Variants in CACNG4 observed in about 807,000 individuals in gnomAD.
CACNG4 encodes calcium voltage-gated channel auxiliary subunit gamma 4.
CACNG4 carries 8 observed loss-of-function variants against 22.9 expected under a neutral mutation model. That is an observed-to-expected ratio of 0.35 (90% CI 0.21 to 0.63). The LOEUF is 0.63. Among genes scored for constraint, CACNG4 ranks in the 30% least tolerant of loss-of-function variants. The pLI, the probability that CACNG4 is intolerant of heterozygous loss-of-function variation, is 0.72. For missense variants in CACNG4, 357 were observed against 455.4 expected (o/e 0.78, Z 1.97); for synonymous variants, 188 against 191.9 (o/e 0.98, Z 0.17).
rs1164270280 is a variant in CACNG4 at position 67,030,751 on chromosome 17, G to A, written c.731G>A (p.Arg244Lys). Residue 244 changes from arginine (R) to lysine (K), a missense_variant, in exon 4 of 4, where the codon AGG (arginine) becomes AAG (lysine). By Grantham distance (26) the Arg-to-Lys change is conservative (BLOSUM62 2). Transcript: ENST00000262138. This position sits in a 1 kb window ranked among gnomAD's most constrained non-coding sequence, Gnocchi z 6.4. The part of the protein sequence containing the change: ...PSYRYRRRRS[R>K]SSSRSTEASP... ...TACAGGTACCGGCGACGGCGCTCGA[G>A]GTCCAGCTCAAGGTCCACCGAGGCC... 1.2e-6 allele frequency: 2 copies of A among 1,614,060 alleles called. No individual in the cohort carries two copies. Among genetic ancestry groups the A allele is most frequent in the South Asian group, 2.2e-5 (2 of 91,086 alleles).
intron 1 of CACNG4, among the ~76,000 whole-genome samples, chr17:66,993,272 T>C (rs1176363581): frequency 6.6e-6 from 1 of 152,204 alleles, no homozygotes; most frequent in Non-Finnish European, 1.5e-5. Context: ...AGCGGTCCTG[T>C]GAATTAAGGC....
chr17:67,012,076 G>A (rs973626103), intron 1 of CACNG4, among the ~76,000 whole-genome samples: 1 of 152,168 alleles, frequency 6.6e-6, no homozygotes, highest in Non-Finnish European at 1.5e-5. Flanking sequence ...CCCCAGCCCT[G>A]CTTCTATAGA....
In CACNG4 at chr17:67,018,212, CG is replaced by C; in HGVS notation, c.246del (p.Ile83SerfsTer121). 6.2e-7 allele frequency: 1 copy of C among 1,614,012 alleles called. No individual in the cohort carries two copies. Among genetic ancestry groups the C allele is most frequent in the Non-Finnish European group, 8.5e-7 (1 of 1,179,870 alleles). On this transcript the variant is annotated frameshift_variant, in exon 2 of 4. Coordinates refer to ENST00000262138, the MANE Select transcript of CACNG4 (RefSeq NM_014405.4). LOFTEE classifies it high-confidence loss of function. The stretch of plus-strand genomic sequence containing the variant: ...AGGGATCTATAAAGGGCACTGCTTC[CG>C]GATCAATCACTTCCCAGAGGACAAT... ...IEGIYKGHCF[R>X]INHFPEDNDY...
intron 1 of CACNG4, among the ~76,000 whole-genome samples, chr17:67,001,947 C>T (rs1399653428): frequency 2.0e-5 from 3 of 152,160 alleles, no homozygotes; most frequent in African/African-American, 7.2e-5. Flanking sequence ...TTGCCTAAGC[C>T]CATGATCTGG....
chr17:66,972,734 T>C (rs9890399), intron 1 of CACNG4, among the ~76,000 whole-genome samples: 5,514 of 151,948 alleles, frequency 0.036, 243 homozygotes, highest in African/African-American at 0.11. Flanking sequence ...AAGACCAGCC[T>C]GGCCAACATG....
At chr17:67,024,144 A>C (rs891633794) in intron 2 of CACNG4, among the ~76,000 whole-genome samples, 8 of 152,112 alleles carry the variant, frequency 5.3e-5, no homozygotes, top group Admixed American at 1.3e-4. Context: ...CGGCCCAGCC[A>C]CACCTCCCCT....
At chr17:66,974,345 G>GA (rs2035222955) in intron 1 of CACNG4, among the ~76,000 whole-genome samples, 1 of 152,160 alleles carries the variant, frequency 6.6e-6, no homozygotes, top group Admixed American at 6.5e-5. Context: ...CAGAGGCCTA[G>GA]AAAAAACGAT....
chr17:66,966,901 C>G (rs1440793408), intron 1 of CACNG4, among the ~76,000 whole-genome samples: 1 of 152,200 alleles, frequency 6.6e-6, no homozygotes, highest in Non-Finnish European at 1.5e-5. Context: ...GAGAATGTAC[C>G]CACGTCACTA....
At chr17:67,000,279 C>T (rs1369586917) in intron 1 of CACNG4, among the ~76,000 whole-genome samples, 1 of 152,162 alleles carries the variant, frequency 6.6e-6, no homozygotes, top group Non-Finnish European at 1.5e-5. Flanking sequence ...ACTGTTGTTC[C>T]ACTCTGTTCC....
At position 67,032,375 on chromosome 17, in the gene CACNG4, A is replaced by G. The variant is rs1334310837; in HGVS notation, c.*1371A>G. 1.9e-5 allele frequency: 4 copies of G among 206,032 alleles called. No individual in the cohort carries two copies. Among genetic ancestry groups the G allele is most frequent in the Admixed American group, 5.3e-5 (1 of 18,952 alleles). 12.8% of individuals were successfully genotyped at this position (206,032 alleles called of 1,614,324 possible). ...TGGAACTTAACCCTCTTTTGTATAA[A>G]ACATGTGCTTTCTAAAGAAAAATTG... is the stretch of plus-strand genomic sequence containing the variant. On this transcript the variant is annotated 3_prime_UTR_variant, in exon 4 of 4. Coordinates refer to ENST00000262138, the MANE Select transcript of CACNG4 (RefSeq NM_014405.4).
At chr17:66,966,821 C>T (rs2035173840) in intron 1 of CACNG4, among the ~76,000 whole-genome samples, 3 of 152,218 alleles carry the variant, frequency 2.0e-5, no homozygotes, top group Non-Finnish European at 2.9e-5. Context: ...ACACCCTCCT[C>T]TTTTCTTTTG....
In CACNG4 at chr17:66,983,645, G is replaced by A. The variant is rs371522358; in HGVS notation, c.220+18514G>A. The stretch of plus-strand genomic sequence containing the variant: ...AGGATTCTGCTGTCAGACTGAGGGC[G>A]GCTCTTCAGATGGGGCACTCTCCGC... On this transcript the variant is annotated intron_variant, in intron 1 of 3. Transcript: ENST00000262138. 1.1e-4 allele frequency among the ~76,000 whole-genome samples: 16 copies of A among 152,174 alleles called. No homozygotes were observed. The East Asian group carries it at 1.2e-3, about 11-fold the overall frequency.
intron 1 of CACNG4, among the ~76,000 whole-genome samples, chr17:66,978,051 A>C (rs568354433): frequency 6.6e-6 from 1 of 152,258 alleles, no homozygotes; most frequent in African/African-American, 2.4e-5. Flanking sequence ...CATCTGTCTC[A>C]CCATAGACCT....
At chr17:66,980,627 T>C (rs1190647370) in intron 1 of CACNG4, among the ~76,000 whole-genome samples, 2 of 147,248 alleles carry the variant, frequency 1.4e-5, no homozygotes, top group Non-Finnish European at 3.0e-5. Context: ...ATTCTTTTTT[T>C]TTTTTTTTTT....
At chr17:66,993,446 T>A (rs1174187994) in intron 1 of CACNG4, among the ~76,000 whole-genome samples, 1 of 152,064 alleles carries the variant, frequency 6.6e-6, no homozygotes, top group Non-Finnish European at 1.5e-5. Flanking sequence ...AGTTCATACA[T>A]CTGGGGGCAG....
At chr17:66,988,361 C>G (rs77789323) in intron 1 of CACNG4, among the ~76,000 whole-genome samples, 2 of 152,154 alleles carry the variant, frequency 1.3e-5, no homozygotes, top group Non-Finnish European at 2.9e-5. Context: ...TCCAAACAGC[C>G]GCCGGCAAGC....
rs1204056744 is a variant in CACNG4 at position 67,032,675 on chromosome 17, T to C, written c.*1671T>C. 6.5e-6 allele frequency: 1 copy of C among 154,380 alleles called. No individual in the cohort carries two copies. The highest frequency in any genetic ancestry group is 6.4e-5 in the Admixed American group (1 of 15,734). The allele number at this position is 154,380 out of a possible 1,614,324, so 9.6% of individuals were successfully genotyped here. A position where few individuals can be genotyped will look rare whatever the true frequency, so the allele number is the denominator to read the frequency against. On this transcript the variant is annotated 3_prime_UTR_variant, in exon 4 of 4. Transcript: ENST00000262138. ...TGTGCTGGGGATCTGAAATGAGGCC[T>C]GCCAGGGCCCCTGTGTGCTGTGCTC...
At position 67,031,291 on chromosome 17, in the gene CACNG4, G is replaced by A; in HGVS notation, c.*287G>A. On this transcript the variant is annotated 3_prime_UTR_variant, in exon 4 of 4. Coordinates refer to ENST00000262138, the MANE Select transcript of CACNG4 (RefSeq NM_014405.4). This position sits in a 1 kb window ranked among gnomAD's most constrained non-coding sequence, Gnocchi z 4.0. ...CGGGAAGCCCCAGAGCTTTCCTGAG[G>A]CTGCCTGGCCTTGATCAACTTGGGA... 2 of 615,312 alleles carry A rather than the reference G, an allele frequency of 3.3e-6. No homozygotes were observed. The highest frequency in any genetic ancestry group is 3.0e-6 in the Non-Finnish European group (1 of 330,638). 38.1% of individuals were successfully genotyped at this position (615,312 alleles called of 1,614,324 possible). A position where few individuals can be genotyped will look rare whatever the true frequency, so the allele number is the denominator to read the frequency against.
chr17:66,996,391 T>C (rs2035375305), intron 1 of CACNG4, among the ~76,000 whole-genome samples: 1 of 150,914 alleles, frequency 6.6e-6, no homozygotes, highest in South Asian at 2.1e-4. Flanking sequence ...TTTTTTTTTT[T>C]TTTTTTTAGA....
Sources: gnomAD v4.1 joint callset for allele counts (sites outside exome capture counted in the v4.1 genomes callset) on GRCh38, gnomAD v4.1.1 for gene constraint, Gnocchi (gnomAD v3.1) non-coding constraint, MANE v1.5 for transcripts, NCBI Gene and HGNC (gene_info 2026-07-23, HGNC 2026-07-21) for gene names.